The following USP32 variants were observed in gnomAD, a reference collection of about 807,000 sequenced individuals.
USP32 encodes the protein ubiquitin carboxyl-terminal hydrolase 32.
USP32 carries 59 observed loss-of-function variants against 204.8 expected under a neutral mutation model. That is an observed-to-expected ratio of 0.29 (90% CI 0.23 to 0.36). The LOEUF (loss-of-function observed/expected upper bound fraction) is 0.36, where lower values mean the gene tolerates loss of function less well. USP32 is among the 10% of genes least tolerant of loss of function. The pLI is 1.00. For missense variants in USP32, 1,160 were observed against 1,946.4 expected (o/e 0.60, Z 7.60); for synonymous variants, 517 against 678.4 (o/e 0.76, Z 3.70).
intron 11 of USP32, among the ~76,000 whole-genome samples, chr17:60,247,407 T>C (rs2086057514): frequency 6.6e-6 from 1 of 152,184 alleles, no homozygotes. Context: ...CTCGAACTCC[T>C]GGCCTCAGGT....
chr17:60,320,052 T>C (rs1291507057), intron 2 of USP32, among the ~76,000 whole-genome samples: 2 of 152,168 alleles, frequency 1.3e-5, no homozygotes, highest in Admixed American at 6.5e-5. Context: ...TCTCACACAA[T>C]ATATTTTCAG....
At chr17:60,185,719 C>T (rs2084234137) in intron 29 of USP32, 68 bp from the exon 30 acceptor site, 4 of 1,527,916 alleles carry the variant, frequency 2.6e-6, no homozygotes, top group Admixed American at 1.9e-5. Flanking sequence ...TCTAGGTATG[C>T]ATCAACCTCT....
intron 1 of USP32, chr17:60,421,796 A>G (rs2090119365): frequency 1.0e-6 from 1 of 952,798 alleles, no homozygotes; most frequent in African/African-American, 1.8e-5. Context: ...GCGGGTAGGA[A>G]GAGTCGGGGT....
At chr17:60,408,826 C>T (rs149518519) in intron 1 of USP32, among the ~76,000 whole-genome samples, 22 of 152,264 alleles carry the variant, frequency 1.4e-4, no homozygotes, top group Non-Finnish European at 2.6e-4. Flanking sequence ...GGAGCAGAGA[C>T]GGAACTAAGT....
intron 11 of USP32, among the ~76,000 whole-genome samples, chr17:60,236,963 A>G (rs2085742772): frequency 6.6e-6 from 1 of 152,152 alleles, no homozygotes; most frequent in Admixed American, 6.6e-5. Flanking sequence ...CTGTATGTAT[A>G]TATTACATTT....
chr17:60,181,819 T>C (rs1449566780), intron 31 of USP32, 71 bp from the exon 32 acceptor site: 6 of 1,550,564 alleles, frequency 3.9e-6, no homozygotes, highest in South Asian at 2.5e-5. Context: ...AAATGCTACC[T>C]CTGAGGTTAG....
chr17:60,244,127 C>T (rs553477811), intron 11 of USP32, among the ~76,000 whole-genome samples: 1 of 150,344 alleles, frequency 6.7e-6, no homozygotes, highest in South Asian at 2.1e-4. Flanking sequence ...GCCCCGCCTC[C>T]CGGGTTCACG....
rs541283289 is a variant in USP32 at position 60,192,582 on chromosome 17, G to A, written c.3521+262C>T. On this transcript the variant is annotated intron_variant, in intron 28 of 33. Transcript: ENST00000300896. ...CCCAAGTAGCTGGGATTACAGGCAC[G>A]CATCACCACGCCCCGCTAATTTTTG... Among the ~76,000 whole-genome samples, 6 of 152,134 alleles carry A rather than the reference G, an allele frequency of 3.9e-5. No homozygotes were observed. The East Asian group carries it at 1.2e-3, about 30-fold the overall frequency.
intron 12 of USP32, 33 bp from the exon 13 acceptor site, chr17:60,226,264 AGTTTATAATCT>A (rs1041827813): frequency 6.6e-7 from 1 of 1,506,892 alleles, no homozygotes; most frequent in African/African-American, 1.4e-5. Context: ...TAAGAAGCAA[AGTTTATAATCT>A]GACAACTATG....
intron 11 of USP32, among the ~76,000 whole-genome samples, chr17:60,237,840 TG>T (rs1296470258): frequency 6.6e-6 from 1 of 152,236 alleles, no homozygotes; most frequent in African/African-American, 2.4e-5. Flanking sequence ...CACTGATGGA[TG>T]TATAGACTGT....
intron 2 of USP32, among the ~76,000 whole-genome samples, chr17:60,319,736 C>T (rs1483628824): frequency 2.6e-5 from 4 of 151,960 alleles, no homozygotes; most frequent in South Asian, 2.1e-4. Flanking sequence ...GCCAAGATAG[C>T]GCCACTGCAC....
At chr17:60,239,738 T>C (rs1298646256) in intron 11 of USP32, among the ~76,000 whole-genome samples, 1 of 152,192 alleles carries the variant, frequency 6.6e-6, no homozygotes, top group Non-Finnish European at 1.5e-5. Context: ...TATTTCTTTA[T>C]TTATTAGTTT....
intron 4 of USP32, among the ~76,000 whole-genome samples, chr17:60,288,945 C>A (rs1049494971): frequency 2.0e-5 from 3 of 152,162 alleles, no homozygotes; most frequent in Non-Finnish European, 1.5e-5. Context: ...CAGTACACTG[C>A]CAATAAGCCA....
In USP32 at chr17:60,339,576, TC is replaced by T. The variant is rs1346390582; in HGVS notation, c.186+5904del. 5.4e-4 allele frequency among the ~76,000 whole-genome samples: 59 copies of T among 109,478 alleles called. 1 individual carries two copies. The highest frequency in any genetic ancestry group is 2.2e-3 in the African/African-American group (56 of 25,676). 71.8% of individuals were successfully genotyped at this position (109,478 alleles called of 152,430 possible). A position where few individuals can be genotyped will look rare whatever the true frequency, so the allele number is the denominator to read the frequency against. On this transcript the variant is annotated intron_variant, in intron 2 of 33. Coordinates refer to ENST00000300896, the MANE Select transcript of USP32 (RefSeq NM_032582.4). ...CCACCCTGGGCAACAAGAGCAAAAC[TC>T]CATCTCAAAAAAAAAAAAAAAAAAA...
In USP32 at chr17:60,345,523, G is replaced by A. The variant is rs1346027166; in HGVS notation, c.144C>T (p.Ile48=). ...GCACTCCATCCCCAAGCACTTCCCG[G>A]ATGAAGCAGTGCTGGCCCATGTAAT... is the stretch of plus-strand genomic sequence containing the variant. ...LSYYMGQHCF[I]REVLGDGVPP... The change falls in exon 2 of 34, where the codon ATC becomes ATT. Residue 48 remains isoleucine (I), a synonymous_variant. Transcript: ENST00000300896. 5.0e-6 allele frequency: 8 copies of A among 1,614,074 alleles called. No individual in the cohort carries two copies. The highest frequency in any genetic ancestry group is 6.8e-6 in the Non-Finnish European group (8 of 1,180,034).
intron 11 of USP32, among the ~76,000 whole-genome samples, chr17:60,238,160 A>G (rs1021028981): frequency 4.6e-5 from 7 of 152,206 alleles, no homozygotes; most frequent in Non-Finnish European, 8.8e-5. Flanking sequence ...TACGTTGAGC[A>G]TCTTTTCATG....
chr17:60,377,317 TTTTAA>T (rs2089565358), intron 1 of USP32, among the ~76,000 whole-genome samples: 1 of 152,138 alleles, frequency 6.6e-6, no homozygotes, highest in Non-Finnish European at 1.5e-5. Context: ...AAAAAATAAT[TTTTAA>T]AAGTTTAAAA....
chr17:60,264,180 G>A (rs145026879), intron 9 of USP32, among the ~76,000 whole-genome samples: 2 of 151,264 alleles, frequency 1.3e-5, no homozygotes, highest in African/African-American at 4.9e-5. Flanking sequence ...TGCTTATTCT[G>A]GCTACCACTA....
chr17:60,325,052 T>A (rs183910143), intron 2 of USP32, among the ~76,000 whole-genome samples: 3 of 152,196 alleles, frequency 2.0e-5, no homozygotes, highest in Admixed American at 2.0e-4. Flanking sequence ...TAGCTACAGG[T>A]GTTATGAAAA....
Sources: gnomAD v4.1 joint callset for allele counts (sites outside exome capture counted in the v4.1 genomes callset) on GRCh38, gnomAD v4.1.1 for gene constraint, MANE v1.5 for transcripts, NCBI Gene and HGNC (gene_info 2026-07-23, HGNC 2026-07-21) for gene names.